The following FHIT variants were observed in gnomAD, a reference collection of about 807,000 sequenced individuals.
The protein encoded by FHIT is bis(5'-adenosyl)-triphosphatase.
FHIT carries 19 observed loss-of-function variants against 17.9 expected under a neutral mutation model. That is an observed-to-expected ratio of 1.06 (90% CI 0.74 to 1.56). The LOEUF (loss-of-function observed/expected upper bound fraction) is 1.56. Ranked by LOEUF, FHIT falls within the 40% of genes most tolerant of loss-of-function variation. The pLI is 0.00. For synonymous variants in FHIT, 81 were observed against 69.7 expected (o/e 1.16, Z -0.81); for missense variants, 248 against 189.2 (o/e 1.31, Z -1.82).
At chr3:60,666,127 T>C (rs1384277920) in intron 4 of FHIT, among the ~76,000 whole-genome samples, 1 of 152,160 alleles carries the variant, frequency 6.6e-6, no homozygotes, top group East Asian at 1.9e-4. Flanking sequence ...TCAAACATGA[T>C]TTATAAAACT....
At chr3:60,747,885 A>G (rs1236518002) in intron 4 of FHIT, among the ~76,000 whole-genome samples, 1 of 152,222 alleles carries the variant, frequency 6.6e-6, no homozygotes, top group Non-Finnish European at 1.5e-5. Context: ...AAACACTGAG[A>G]ATGGAAAGGT....
At chr3:60,064,283 T>G (rs1027728524) in intron 5 of FHIT, among the ~76,000 whole-genome samples, 1 of 152,214 alleles carries the variant, frequency 6.6e-6, no homozygotes, top group Non-Finnish European at 1.5e-5. Flanking sequence ...ATTTGATGTT[T>G]GGATTCTCAG....
At chr3:60,330,569 G>A (rs1709919064) in intron 5 of FHIT, among the ~76,000 whole-genome samples, 1 of 152,156 alleles carries the variant, frequency 6.6e-6, no homozygotes, top group Non-Finnish European at 1.5e-5. Flanking sequence ...CATGATTTCA[G>A]GCATCCAGAT....
At chr3:60,055,793 G>T (rs1264604346) in intron 5 of FHIT, among the ~76,000 whole-genome samples, 1 of 152,140 alleles carries the variant, frequency 6.6e-6, no homozygotes, top group Non-Finnish European at 1.5e-5. Flanking sequence ...TAGAGGAACG[G>T]GAAGGCTAAC....
At chr3:60,493,335 C>G (rs187889234) in intron 5 of FHIT, among the ~76,000 whole-genome samples, 7 of 152,084 alleles carry the variant, frequency 4.6e-5, no homozygotes, top group African/African-American at 1.4e-4. Context: ...CAGCCTATAT[C>G]CAAGGAAGAT....
At chr3:59,843,482 G>A (rs750828014) in intron 8 of FHIT, among the ~76,000 whole-genome samples, 5 of 152,110 alleles carry the variant, frequency 3.3e-5, no homozygotes, top group Non-Finnish European at 5.9e-5. Flanking sequence ...CACAGGGATT[G>A]TGTTAAGTCT....
At chr3:60,086,437 A>G (rs941556849) in intron 5 of FHIT, among the ~76,000 whole-genome samples, 1 of 152,216 alleles carries the variant, frequency 6.6e-6, no homozygotes, top group African/African-American at 2.4e-5. Flanking sequence ...TAGTCCCAAA[A>G]GTCTTAACTC....
chr3:60,800,130 A>G (rs1178066446), intron 4 of FHIT, among the ~76,000 whole-genome samples: 1 of 152,072 alleles, frequency 6.6e-6, no homozygotes, highest in African/African-American at 2.4e-5. Context: ...CAGATCCTTT[A>G]TTCATGCTGT....
At chr3:60,564,714 A>T (rs947503241) in intron 4 of FHIT, among the ~76,000 whole-genome samples, 3 of 152,310 alleles carry the variant, frequency 2.0e-5, no homozygotes. Context: ...TCTCATGATC[A>T]AACTTGAACA....
chr3:60,020,879 T>C lies in FHIT; in HGVS notation c.104-6727A>G, dbSNP rs1392051305. ...GTAATCTATTCACAACGTAAGCACTTTGATGGATTTTCATATCAGAAAGGC... is the reference window on the plus strand; with the variant it reads ...GTAATCTATTCACAACGTAAGCACTCTGATGGATTTTCATATCAGAAAGGC... On this transcript the variant is annotated intron_variant, in intron 5 of 9. Transcript: ENST00000492590. Among the ~76,000 whole-genome samples the C allele has an allele frequency of 3.3e-5, 5 of 152,264 alleles. No individual in the cohort carries two copies. In the East Asian group the frequency reaches 9.7e-4, roughly 29 times the overall value.
At chr3:60,491,225 A>G (rs2034050822) in intron 5 of FHIT, among the ~76,000 whole-genome samples, 1 of 152,202 alleles carries the variant, frequency 6.6e-6, no homozygotes, top group Non-Finnish European at 1.5e-5. Context: ...CAAGAAAGAA[A>G]TGGCAATAAT....
intron 5 of FHIT, among the ~76,000 whole-genome samples, chr3:60,337,364 T>C (rs182022906): frequency 3.9e-5 from 6 of 152,304 alleles, no homozygotes; most frequent in Non-Finnish European, 8.8e-5. Flanking sequence ...TTTACTACTT[T>C]CTAGCTATGT....
At chr3:60,164,081 A>C (rs1211856964) in intron 5 of FHIT, among the ~76,000 whole-genome samples, 1 of 152,170 alleles carries the variant, frequency 6.6e-6, no homozygotes, top group Non-Finnish European at 1.5e-5. Flanking sequence ...ATTTCTCCCT[A>C]AAAAAGGTTT....
intron 2 of FHIT, among the ~76,000 whole-genome samples, chr3:61,175,915 G>A (rs2038144087): frequency 6.6e-6 from 1 of 152,222 alleles, no homozygotes; most frequent in African/African-American, 2.4e-5. Flanking sequence ...TAAGACAATG[G>A]ATAACTAATC....
Position 60,577,551 on chromosome 3 carries a change from C to G in FHIT, c.-17-40572G>C, listed in dbSNP as rs79628295. On this transcript the variant is annotated intron_variant, in intron 4 of 9. Coordinates refer to ENST00000492590, the MANE Select transcript of FHIT (RefSeq NM_002012.4). ...GGTTCATTTAATTTGATGGCAGAGT[C>G]CACTTTCAAATAATCCCAAAAGTGT... 5.0e-3 allele frequency among the ~76,000 whole-genome samples: 767 copies of G among 152,208 alleles called. 12 individuals are homozygous for G. The highest frequency in any genetic ancestry group is 0.04 in the South Asian group (193 of 4,814).
intron 5 of FHIT, among the ~76,000 whole-genome samples, chr3:60,278,010 G>C (rs576098038): frequency 3.3e-5 from 5 of 152,214 alleles, no homozygotes; most frequent in Middle Eastern, 3.4e-3. Context: ...CCCAAATTTG[G>C]AGAAACATGT....
At chr3:60,127,442 G>C (rs1000795112) in intron 5 of FHIT, among the ~76,000 whole-genome samples, 1 of 151,916 alleles carries the variant, frequency 6.6e-6, no homozygotes, top group Non-Finnish European at 1.5e-5. Flanking sequence ...TTTCCACCCA[G>C]CCCTGGAAAT....
At chr3:60,253,943 C>A (rs1041450493) in intron 5 of FHIT, among the ~76,000 whole-genome samples, 4 of 152,204 alleles carry the variant, frequency 2.6e-5, no homozygotes, top group Non-Finnish European at 2.9e-5. Flanking sequence ...TCAACTATTT[C>A]TTTTCTTTAC....
At chr3:60,102,233 G>C (rs144878193) in intron 5 of FHIT, among the ~76,000 whole-genome samples, 1 of 152,216 alleles carries the variant, frequency 6.6e-6, no homozygotes, top group African/African-American at 2.4e-5. Context: ...ACTACGCTCA[G>C]TATAGATTGA....
Sources: allele counts gnomAD v4.1 joint callset (sites outside exome capture counted in the v4.1 genomes callset), GRCh38; gene constraint gnomAD v4.1.1; transcripts MANE v1.5; gene names NCBI Gene and HGNC (gene_info 2026-07-23, HGNC 2026-07-21).